TENM3: variants seen among roughly 807,000 people sequenced by gnomAD.
The protein encoded by TENM3 is teneurin-3.
TENM3 carries 63 observed loss-of-function variants against 255.1 expected under a neutral mutation model. The observed-to-expected ratio is 0.25, with a 90% CI of 0.20 to 0.30. The LOEUF (loss-of-function observed/expected upper bound fraction) is 0.30, where lower values mean the gene tolerates loss of function less well. Among genes scored for constraint, TENM3 ranks in the 10% least tolerant of loss-of-function variants. The pLI is 1.00. For missense variants in TENM3, 2,929 were observed against 3,461.1 expected, an observed-to-expected ratio of 0.85 and a Z score of 3.86; for synonymous variants, 1,306 against 1,322.3, an observed-to-expected ratio of 0.99 and a Z score of 0.27.
chr4:182,515,729 G>C (rs950364642), intron 3 of TENM3, among the ~76,000 whole-genome samples: 1 of 152,098 alleles, frequency 6.6e-6, no homozygotes, highest in East Asian at 1.9e-4. Flanking sequence ...GGATGATTTA[G>C]AATCAGTCAC....
chr4:181,499,320 A>G, the TENM3 span, among the ~76,000 whole-genome samples: 1 of 152,182 alleles, frequency 6.6e-6, no homozygotes, highest in Non-Finnish European at 1.5e-5. Context: ...ACTATAATAT[A>G]ATAATTTGGA....
At chr4:181,813,760 G>A in the TENM3 span, among the ~76,000 whole-genome samples, 1,433 of 152,284 alleles carry the variant, frequency 9.4e-3, 13 homozygotes, top group Non-Finnish European at 0.014. Flanking sequence ...AAATTCGGGG[G>A]AAAAGACAAA....
the TENM3 span, among the ~76,000 whole-genome samples, chr4:182,032,308 CAT>C: frequency 6.6e-6 from 1 of 152,144 alleles, no homozygotes; most frequent in Non-Finnish European, 1.5e-5. Context: ...TTGAGATAAT[CAT>C]GTGGTTTTTT....
rs573803073 is a variant in TENM3, at chr4:182,784,352, C to T, written c.5305-4741C>T. Among the ~76,000 whole-genome samples the T allele has an allele frequency of 3.2e-3, 494 of 152,062 alleles. 3 individuals are homozygous for T. The highest frequency in any genetic ancestry group is 0.011 in the African/African-American group (463 of 41,430). On this transcript the variant is annotated intron_variant, in intron 24 of 27. Transcript: ENST00000511685. ...TGTGCCCCTGCTGGGGGGTGCCTCC[C>T]AGTTAGGCTGCTCAGGGGTCAGGGG...
the TENM3 span, among the ~76,000 whole-genome samples, chr4:181,714,265 A>C: frequency 1.7e-4 from 26 of 152,072 alleles, no homozygotes; most frequent in South Asian, 4.6e-3. Context: ...GTAGGACCTC[A>C]TATGTACAAA....
the TENM3 span, among the ~76,000 whole-genome samples, chr4:181,554,996 T>G: frequency 6.6e-6 from 1 of 152,190 alleles, no homozygotes; most frequent in African/African-American, 2.4e-5. Context: ...TGACAAGAGA[T>G]AGAATTTAAC....
chr4:181,459,600 C>A, the TENM3 span, among the ~76,000 whole-genome samples: 1 of 151,870 alleles, frequency 6.6e-6, no homozygotes, highest in Non-Finnish European at 1.5e-5. Flanking sequence ...AAAGTATACA[C>A]TTTCCTCACT....
chr4:181,758,882 A>T, the TENM3 span, among the ~76,000 whole-genome samples: 1 of 152,216 alleles, frequency 6.6e-6, no homozygotes, highest in African/African-American at 2.4e-5. Context: ...GTAAATTTTT[A>T]AAAACCAACT....
the TENM3 span, among the ~76,000 whole-genome samples, chr4:181,926,071 C>G: frequency 1.7e-3 from 255 of 152,238 alleles, no homozygotes; most frequent in African/African-American, 5.6e-3. Context: ...ACATGGTGAG[C>G]CATAAATGTT....
the TENM3 span, among the ~76,000 whole-genome samples, chr4:181,892,716 A>T: frequency 6.6e-6 from 1 of 151,862 alleles, no homozygotes. Flanking sequence ...CTCAGCTCAA[A>T]ATTTTCCCTC....
chr4:181,974,236 G>A, the TENM3 span, among the ~76,000 whole-genome samples: 18 of 152,188 alleles, frequency 1.2e-4, no homozygotes, highest in South Asian at 6.2e-4. Flanking sequence ...CATGATAGCC[G>A]TAAGGCAAGA....
chr4:181,497,307 T>C, the TENM3 span, among the ~76,000 whole-genome samples: 2 of 152,218 alleles, frequency 1.3e-5, no homozygotes, highest in Non-Finnish European at 2.9e-5. Flanking sequence ...ATAATGAAAC[T>C]ACCTATCCCA....
intron 1 of TENM3, among the ~76,000 whole-genome samples, chr4:182,289,885 C>A (rs914483344): frequency 1.3e-5 from 2 of 152,148 alleles, no homozygotes; most frequent in African/African-American, 4.8e-5. Flanking sequence ...CGGCTCCACC[C>A]TAGAGATGAC....
the TENM3 span, among the ~76,000 whole-genome samples, chr4:181,960,138 A>G: frequency 6.6e-6 from 1 of 152,254 alleles, no homozygotes; most frequent in Non-Finnish European, 1.5e-5. Context: ...AATAGGAATT[A>G]AAATGCAATT....
chr4:181,533,191 T>G, the TENM3 span, among the ~76,000 whole-genome samples: 1 of 152,010 alleles, frequency 6.6e-6, no homozygotes, highest in African/African-American at 2.4e-5. Flanking sequence ...GTGTCTATAG[T>G]GAGGAAATAA....
At chr4:181,851,232 G>A in the TENM3 span, among the ~76,000 whole-genome samples, 1 of 152,034 alleles carries the variant, frequency 6.6e-6, no homozygotes, top group Non-Finnish European at 1.5e-5. Context: ...TTTCTTTGGG[G>A]CAAACCCACC....
intron 1 of TENM3, among the ~76,000 whole-genome samples, chr4:182,175,314 A>ATATATATAT (rs1554026205): frequency 2.2e-4 from 26 of 117,580 alleles, no homozygotes; most frequent in African/African-American, 8.3e-4. Context: ...AAAAAAAAAA[A>ATATATATAT]ATATATATAT....
intron 3 of TENM3, among the ~76,000 whole-genome samples, chr4:182,389,735 G>A (rs1326537372): frequency 4.0e-5 from 5 of 125,022 alleles, no homozygotes; most frequent in African/African-American, 1.5e-4. Flanking sequence ...GCCCAGGCTG[G>A]AGTGCAGTGG....
chr4:181,763,469 A>G, the TENM3 span, among the ~76,000 whole-genome samples: 1 of 152,238 alleles, frequency 6.6e-6, no homozygotes, highest in Non-Finnish European at 1.5e-5. Flanking sequence ...CCCATGAGCT[A>G]AGAAATATTT....
Sources: gnomAD v4.1 joint callset for allele counts (sites outside exome capture counted in the v4.1 genomes callset) on GRCh38, gnomAD v4.1.1 for gene constraint, MANE v1.5 for transcripts, NCBI Gene and HGNC (gene_info 2026-07-23, HGNC 2026-07-21) for gene names.